The following NRXN3 variants were observed in gnomAD, a reference collection of about 807,000 sequenced individuals.
NRXN3 encodes neurexin 3, also known as neurexin III.
In NRXN3, 32 loss-of-function variants were observed where a neutral mutation model predicts 137.6. That is an observed-to-expected ratio of 0.23 (90% CI 0.18 to 0.31). The LOEUF (loss-of-function observed/expected upper bound fraction) is 0.31, where lower values mean the gene tolerates loss of function less well. NRXN3 is among the 10% of genes least tolerant of loss of function. NRXN3 has a pLI of 1.00. For synonymous variants in NRXN3, 798 were observed against 784.5 expected (o/e 1.02, Z -0.29); for missense variants, 1,574 against 2,062.5 (o/e 0.76, Z 4.59).
intron 15 of NRXN3, among the ~76,000 whole-genome samples, chr14:79,388,766 TC>T (rs1331431674): frequency 3.3e-5 from 5 of 152,082 alleles, no homozygotes; most frequent in African/African-American, 1.2e-4. Flanking sequence ...TTTGCCTGGG[TC>T]CCCACTCCAA....
At chr14:78,853,570 TATA>T (rs2099048832) in intron 10 of NRXN3, among the ~76,000 whole-genome samples, 1 of 152,198 alleles carries the variant, frequency 6.6e-6, no homozygotes, top group South Asian at 2.1e-4. Context: ...ATTTTATTAC[TATA>T]ATATTTGTTA....
At chr14:79,510,767 A>G (rs1203837195) in intron 16 of NRXN3, among the ~76,000 whole-genome samples, 2 of 152,162 alleles carry the variant, frequency 1.3e-5, no homozygotes, top group Admixed American at 1.3e-4. Context: ...CTTTCTGCCA[A>G]TGTATCACTG....
intron 15 of NRXN3, among the ~76,000 whole-genome samples, chr14:79,324,898 AAAAAG>A (rs370506466): frequency 8.5e-5 from 13 of 152,184 alleles, no homozygotes; most frequent in African/African-American, 3.1e-4. Flanking sequence ...TGTGTAATGA[AAAAAG>A]AAAACAGCCC....
At chr14:79,233,578 G>A (rs1269779304) in intron 15 of NRXN3, among the ~76,000 whole-genome samples, 1 of 151,938 alleles carries the variant, frequency 6.6e-6, no homozygotes, top group African/African-American at 2.4e-5. Context: ...GAGAAACTTG[G>A]TCATATTCTA....
chr14:79,660,223 C>T (rs1603376100), intron 16 of NRXN3, among the ~76,000 whole-genome samples: 1 of 152,132 alleles, frequency 6.6e-6, no homozygotes, highest in Non-Finnish European at 1.5e-5. Flanking sequence ...TATGGGTATT[C>T]GCCACAAGGC....
chr14:78,390,624 A>G (rs1376606708), intron 4 of NRXN3, among the ~76,000 whole-genome samples: 1 of 152,174 alleles, frequency 6.6e-6, no homozygotes, highest in African/African-American at 2.4e-5. Context: ...CGTATTGACA[A>G]CAAGTGTTTC....
intron 15 of NRXN3, among the ~76,000 whole-genome samples, chr14:79,283,571 C>G (rs1392441385): frequency 6.6e-6 from 1 of 152,062 alleles, no homozygotes; most frequent in Non-Finnish European, 1.5e-5. Flanking sequence ...CCCAGGACAG[C>G]CTAGAGGATG....
At chr14:78,889,717 G>A (rs1386844131) in intron 10 of NRXN3, among the ~76,000 whole-genome samples, 1 of 151,980 alleles carries the variant, frequency 6.6e-6, no homozygotes, top group African/African-American at 2.4e-5. Context: ...CTGCAGTACA[G>A]CAGCAGGGAG....
intron 4 of NRXN3, among the ~76,000 whole-genome samples, chr14:78,489,041 G>A (rs1026667067): frequency 1.3e-5 from 2 of 152,170 alleles, no homozygotes; most frequent in Non-Finnish European, 2.9e-5. Flanking sequence ...TCAGAGAGAT[G>A]CAAACAGGAA....
chr14:78,462,635 G>A (rs2094956691), intron 4 of NRXN3, among the ~76,000 whole-genome samples: 1 of 152,048 alleles, frequency 6.6e-6, no homozygotes, highest in African/African-American at 2.4e-5. Flanking sequence ...ATGCTTTGTT[G>A]GTTTTCCTCT....
chr14:78,209,266 G>T (rs1013546214), intron 1 of NRXN3, among the ~76,000 whole-genome samples: 1 of 152,144 alleles, frequency 6.6e-6, no homozygotes. Context: ...GGTGAAACAG[G>T]AAGAGCATGG....
At chr14:79,779,979 C>T (rs1292669713) in intron 19 of NRXN3, among the ~76,000 whole-genome samples, 1 of 152,160 alleles carries the variant, frequency 6.6e-6, no homozygotes, top group Non-Finnish European at 1.5e-5. Context: ...ATTCTCCTGC[C>T]TCAGCCTCCC....
chr14:79,315,921 C>T lies in NRXN3; in HGVS notation c.3263-151300C>T, dbSNP rs573714796. Among the ~76,000 whole-genome samples the T allele has an allele frequency of 5.3e-5, 8 of 152,260 alleles. No individual in the cohort carries two copies. In the South Asian group the frequency reaches 1.7e-3, roughly 32 times the overall value. ...AAAGAAAGCAGAGCGAGATATGGCC[C>T]TTTGGGGAGATGGTTAAATAAGAAA... On this transcript the variant is annotated intron_variant, in intron 15 of 20. Transcript: ENST00000335750.
At chr14:78,901,927 G>A (rs755799516) in intron 10 of NRXN3, among the ~76,000 whole-genome samples, 1 of 151,974 alleles carries the variant, frequency 6.6e-6, no homozygotes, top group Non-Finnish European at 1.5e-5. Context: ...GAGGAGAAAC[G>A]GCAGGCTGAG....
At position 79,692,268 on chromosome 14, in the gene NRXN3, C is replaced by T. The variant is rs556232071; in HGVS notation, c.3706+6C>T. On this transcript the variant is annotated splice_donor_region_variant and intron_variant, in intron 18 of 20. Coordinates refer to ENST00000335750, the MANE Select transcript of NRXN3 (RefSeq NM_001330195.2). ...GGAGTGGCTGCAGGAAAAAGGTAAC[C>T]GTCATTAAAACTTTCATTTTAAAAT... The T allele has an allele frequency of 1.9e-5, 31 of 1,590,742 alleles. No individual in the cohort carries two copies. The highest frequency in any genetic ancestry group is 1.3e-4 in the South Asian group (11 of 87,650).
chr14:79,010,905 TTA>T (rs2099569814), intron 15 of NRXN3, among the ~76,000 whole-genome samples: 1 of 152,156 alleles, frequency 6.6e-6, no homozygotes, highest in African/African-American at 2.4e-5. Flanking sequence ...TTCTGCCATA[TTA>T]TCTTTCCTTA....
At chr14:79,352,573 C>G (rs2093262110) in intron 15 of NRXN3, among the ~76,000 whole-genome samples, 1 of 152,048 alleles carries the variant, frequency 6.6e-6, no homozygotes, top group African/African-American at 2.4e-5. Flanking sequence ...ACTCCCTTTA[C>G]TTGGTTATAC....
At chr14:79,083,284 C>T (rs150303319) in intron 15 of NRXN3, among the ~76,000 whole-genome samples, 104 of 152,236 alleles carry the variant, frequency 6.8e-4, no homozygotes, top group Admixed American at 2.6e-3. Flanking sequence ...TTCACTAAAG[C>T]TATTAGTTTG....
chr14:79,808,240 TAAAA>T lies in NRXN3; in HGVS notation c.4093+3063_4093+3066del, dbSNP rs35474581. Reference sequence around the variant, plus strand: ...CAACAGAGTGAGACTCTCTCTCAATTAAAAAAAAAAAAAAAATATATATATATAT... The same window carrying T: ...CAACAGAGTGAGACTCTCTCTCAATTAAAAAAAAAAAATATATATATATAT... On this transcript the variant is annotated intron_variant, in intron 20 of 20. Transcript: ENST00000335750. Among the ~76,000 whole-genome samples the T allele has an allele frequency of 5.5e-3, 685 of 124,134 alleles. 11 individuals carry two copies. The highest frequency in any genetic ancestry group is 0.02 in the African/African-American group (631 of 31,898). 81.4% of individuals were successfully genotyped at this position (124,134 alleles called of 152,430 possible).
Sources: gnomAD v4.1 joint callset for allele counts (sites outside exome capture counted in the v4.1 genomes callset) on GRCh38, gnomAD v4.1.1 for gene constraint, MANE v1.5 for transcripts, NCBI Gene and HGNC (gene_info 2026-07-23, HGNC 2026-07-21) for gene names.